AUNIP: variants seen among roughly 807,000 people sequenced by gnomAD.
The protein encoded by AUNIP is aurora kinase A- and ninein-interacting protein.
Under a neutral mutation model 12.2 loss-of-function variants are expected in AUNIP, and 16 were observed. That is an observed-to-expected ratio of 1.31 (90% CI 0.88 to 1.99). The LOEUF is 1.99. Ranked by LOEUF, AUNIP falls within the 30% of genes most tolerant of loss-of-function variation. The pLI, the probability that AUNIP is intolerant of heterozygous loss-of-function variation, is 0.00. For missense variants in AUNIP, 411 were observed against 419.1 expected (o/e 0.98, Z 0.17); for synonymous variants, 142 against 154.8 (o/e 0.92, Z 0.61).
At position 25,835,154 on chromosome 1, in the gene AUNIP, G is replaced by C. The variant is rs1431230394; in HGVS notation, c.913C>G (p.Pro305Ala). Residue 305 changes from proline (P) to alanine (A), a missense_variant, in exon 3 of 3, where the codon CCT becomes GCT. Transcript: ENST00000374298. Reference sequence around the variant, plus strand: ...CAGTTATTGGTTACATCTTGAAAAGGAGCTCTAGTGTTGTGGGCAATGACC... The same window carrying C: ...CAGTTATTGGTTACATCTTGAAAAGCAGCTCTAGTGTTGTGGGCAATGACC... The part of the protein sequence containing the change: ...QRVIAHNTRA[P>A]FQDVTNNWNW... 1 of 1,614,072 alleles carries C rather than the reference G, an allele frequency of 6.2e-7. No individual in the cohort carries two copies. The highest frequency in any genetic ancestry group is 8.5e-7 in the Non-Finnish European group (1 of 1,180,032).
chr1:25,852,685 C>T (rs563615952), intron 1 of AUNIP, among the ~76,000 whole-genome samples: 1 of 152,192 alleles, frequency 6.6e-6, no homozygotes, highest in Admixed American at 6.5e-5. Context: ...GGTGATCCAC[C>T]CACCTCAGCC....
chr1:25,834,336 C>A lies in AUNIP; in HGVS notation c.*657G>T, dbSNP rs1295527939. The A allele has an allele frequency of 6.1e-6, 6 of 984,378 alleles. No individual in the cohort carries two copies. Among genetic ancestry groups the A allele is most frequent in the Middle Eastern group, 5.2e-4 (1 of 1,936 alleles). 61.0% of individuals were successfully genotyped at this position (984,378 alleles called of 1,614,324 possible). The stretch of plus-strand genomic sequence containing the variant: ...AGAGATTAAAAGCTCACACATCTGG[C>A]TGGGCGCGGTGGCTTATGCCTGTAA... On this transcript the variant is annotated 3_prime_UTR_variant, in exon 3 of 3. Coordinates refer to ENST00000374298, the MANE Select transcript of AUNIP (RefSeq NM_024037.3).
intron 1 of AUNIP, among the ~76,000 whole-genome samples, chr1:25,841,766 C>T (rs1255164385): frequency 6.6e-6 from 1 of 152,012 alleles, no homozygotes; most frequent in Non-Finnish European, 1.5e-5. Flanking sequence ...CCTCGTGATC[C>T]GCCCGCCTCG....
chr1:25,853,409 C>A (rs2048437411), intron 1 of AUNIP, among the ~76,000 whole-genome samples: 1 of 151,996 alleles, frequency 6.6e-6, no homozygotes, highest in Non-Finnish European at 1.5e-5. Context: ...ACAGCCTGAC[C>A]AACATGGTGA....
chr1:25,839,614 T>C (rs1284894673), intron 1 of AUNIP, among the ~76,000 whole-genome samples: 1 of 152,166 alleles, frequency 6.6e-6, no homozygotes, highest in South Asian at 2.1e-4. Flanking sequence ...AAGCAAGCTT[T>C]GAAAGTATCA....
Position 25,852,448 on chromosome 1 carries a change from GT to G in AUNIP, c.78+6831del, listed in dbSNP as rs1289092185. 8.1e-5 allele frequency among the ~76,000 whole-genome samples: 11 copies of G among 134,976 alleles called. 1 individual carries two copies. Among genetic ancestry groups the G allele is most frequent in the South Asian group, 6.7e-4 (3 of 4,470 alleles). The allele number at this position is 134,976 out of a possible 152,430, so 88.5% of individuals were successfully genotyped here. A position where few individuals can be genotyped will look rare whatever the true frequency, so the allele number is the denominator to read the frequency against. ...AAGGTAGAAGATTAGATTATTTAAG[GT>G]TTTTTTTTTTGTTGTTTTTTTTTTT... On this transcript the variant is annotated intron_variant, in intron 1 of 2. Coordinates refer to ENST00000374298, the MANE Select transcript of AUNIP (RefSeq NM_024037.3).
chr1:25,838,497 C>G (rs1000943919), intron 1 of AUNIP, among the ~76,000 whole-genome samples: 1 of 150,260 alleles, frequency 6.7e-6, no homozygotes, highest in Admixed American at 6.6e-5. Flanking sequence ...AGCAAGACTC[C>G]GTTTCAAAAA....
chr1:25,848,314 T>C (rs1174727995), intron 1 of AUNIP, among the ~76,000 whole-genome samples: 1 of 151,960 alleles, frequency 6.6e-6, no homozygotes, highest in Non-Finnish European at 1.5e-5. Flanking sequence ...ACCCCGTCTC[T>C]ACAAAAATTA....
Position 25,834,158 on chromosome 1 carries a change from C to T in AUNIP, c.*835G>A. 1.6e-5 allele frequency: 16 copies of T among 985,242 alleles called. No individual in the cohort carries two copies. Among genetic ancestry groups the T allele is most frequent in the Non-Finnish European group, 1.9e-5 (16 of 829,864 alleles). 61.0% of individuals were successfully genotyped at this position (985,242 alleles called of 1,614,324 possible). A position where few individuals can be genotyped will look rare whatever the true frequency, so the allele number is the denominator to read the frequency against. On this transcript the variant is annotated 3_prime_UTR_variant, in exon 3 of 3. Transcript: ENST00000374298. ...ACATAGAGTATATAACTTTAAAGTGCTGTACAGTTACCACAAAAATAAAAT... is the reference window on the plus strand; with the variant it reads ...ACATAGAGTATATAACTTTAAAGTGTTGTACAGTTACCACAAAAATAAAAT...
chr1:25,837,925 G>C (rs895559547), intron 1 of AUNIP, among the ~76,000 whole-genome samples: 1 of 152,184 alleles, frequency 6.6e-6, no homozygotes, highest in Non-Finnish European at 1.5e-5. Flanking sequence ...GTCACATAGT[G>C]GTGGTTAAGA....
intron 1 of AUNIP, among the ~76,000 whole-genome samples, chr1:25,849,805 T>C (rs1205841763): frequency 6.6e-6 from 1 of 152,170 alleles, no homozygotes; most frequent in Non-Finnish European, 1.5e-5. Context: ...GGCTAAGTTT[T>C]GTATTTTTTT....
intron 1 of AUNIP, among the ~76,000 whole-genome samples, chr1:25,853,121 A>G (rs1414872201): frequency 3.9e-5 from 6 of 152,026 alleles, no homozygotes; most frequent in Non-Finnish European, 8.8e-5. Flanking sequence ...ACTGTTCTAT[A>G]TTTTTGTCTG....
At chr1:25,846,609 G>A (rs529993568) in intron 1 of AUNIP, among the ~76,000 whole-genome samples, 104 of 152,172 alleles carry the variant, frequency 6.8e-4, no homozygotes, top group Middle Eastern at 6.8e-3. Context: ...TCTAATCCAA[G>A]CTACTCAGGA....
At chr1:25,845,986 G>A (rs553143682) in intron 1 of AUNIP, among the ~76,000 whole-genome samples, 5 of 152,126 alleles carry the variant, frequency 3.3e-5, no homozygotes, top group Admixed American at 2.0e-4. Flanking sequence ...GAATCTTCTC[G>A]AGCACCACTC....
In AUNIP at chr1:25,834,440, C is replaced by T. The variant is rs1255163923; in HGVS notation, c.*553G>A. 6 of 816,948 alleles carry T rather than the reference C, an allele frequency of 7.3e-6. No homozygotes were observed. The highest frequency in any genetic ancestry group is 5.6e-5 in the African/African-American group (3 of 53,438). The allele number at this position is 816,948 out of a possible 1,614,324, so 50.6% of individuals were successfully genotyped here. On this transcript the variant is annotated 3_prime_UTR_variant, in exon 3 of 3. Transcript: ENST00000374298. ...ACCATCCTGGCTAATATGGTGAAAC[C>T]TCGTCTCTACTAAAAATCCAAAAAA...
At chr1:25,837,380 G>A (rs747753124) in intron 2 of AUNIP, 33 bp downstream of exon 2, 9 of 1,592,836 alleles carry the variant, frequency 5.7e-6, no homozygotes, top group Admixed American at 3.6e-5. Flanking sequence ...TTTTGCTCTG[G>A]ATAATGAAGT....
downstream of AUNIP, chr1:25,831,946 G>C (rs1279870177): frequency 1.9e-6 from 3 of 1,614,090 alleles, no homozygotes; most frequent in Non-Finnish European, 2.5e-6. Context: ...GAAGGAGGAA[G>C]ACCCTGCTGT....
downstream of AUNIP, chr1:25,831,986 T>C: frequency 1.2e-6 from 2 of 1,614,170 alleles, no homozygotes; most frequent in Non-Finnish European, 1.7e-6. Flanking sequence ...AGGAGGAAGT[T>C]TGCTCTAAAG....
chr1:25,831,965 C>T (rs2048249125), downstream of AUNIP: 1 of 1,614,046 alleles, frequency 6.2e-7, no homozygotes, highest in Non-Finnish European at 8.5e-7. Flanking sequence ...GTGCTTATCT[C>T]TGAGGTCCTA....
Sources: allele counts gnomAD v4.1 joint callset (sites outside exome capture counted in the v4.1 genomes callset), GRCh38; gene constraint gnomAD v4.1.1; transcripts MANE v1.5; gene names NCBI Gene and HGNC (gene_info 2026-07-23, HGNC 2026-07-21).